ETV3: variants seen among roughly 807,000 people sequenced by gnomAD.
The protein encoded by ETV3 is ETS variant transcription factor 3, also known as ETS translocation variant 3.
ETV3 carries 8 observed loss-of-function variants against 33.0 expected under a neutral mutation model. The ratio of observed to expected loss-of-function variants is 0.24; its 90% CI spans 0.14 to 0.44. The LOEUF (loss-of-function observed/expected upper bound fraction) is 0.44, where lower values mean the gene tolerates loss of function less well. ETV3 is among the 20% of genes least tolerant of loss of function. ETV3 has a pLI of 1.00. For synonymous variants in ETV3, 222 were observed against 238.9 expected, an observed-to-expected ratio of 0.93 and a Z score of 0.65; for missense variants, 473 against 652.3, an observed-to-expected ratio of 0.73 and a Z score of 2.99.
intron 4 of ETV3, 103 bp downstream of exon 4, chr1:157,134,009 G>C: frequency 1.3e-6 from 2 of 1,520,392 alleles, no homozygotes; most frequent in South Asian, 1.3e-5. Flanking sequence ...CATTATTTTA[G>C]TGTTTCTAAA....
rs1160997564 is a variant in ETV3 at position 157,122,082 on chromosome 1, G to T, written c.*2759C>A. ...TATAAAATTTTAAACATTTGGCACAGCAAAATTTGGAAAAAATGGGGGAGA... is the reference window on the plus strand; with the variant it reads ...TATAAAATTTTAAACATTTGGCACATCAAAATTTGGAAAAAATGGGGGAGA... On this transcript the variant is annotated 3_prime_UTR_variant, in exon 5 of 5. Transcript: ENST00000368192. 1 of 152,174 alleles carries T rather than the reference G, an allele frequency of 6.6e-6. No individual in the cohort carries two copies. The highest frequency in any genetic ancestry group is 1.9e-4 in the East Asian group (1 of 5,198). 9.4% of individuals were successfully genotyped at this position (152,174 alleles called of 1,614,324 possible). A position where few individuals can be genotyped will look rare whatever the true frequency, so the allele number is the denominator to read the frequency against.
At chr1:157,136,203 G>C in intron 2 of ETV3, 104 bp downstream of exon 2, 1 of 1,085,338 alleles carries the variant, frequency 9.2e-7, no homozygotes. Flanking sequence ...AGCCAAGAGA[G>C]TGTCAGTCAT....
chr1:157,124,754 T>TGCCCC lies in ETV3; in HGVS notation c.*86_*87insGGGGC. 3.0e-6 allele frequency: 1 copy of TGCCCC among 328,822 alleles called. No individual in the cohort carries two copies. Among genetic ancestry groups the TGCCCC allele is most frequent in the Non-Finnish European group, 5.9e-6 (1 of 168,368 alleles). The allele number at this position is 328,822 out of a possible 1,614,324, so 20.4% of individuals were successfully genotyped here. On this transcript the variant is annotated 3_prime_UTR_variant, in exon 5 of 5. Transcript: ENST00000368192. ...CCTAGAATGATCAAACCAGTTTAAC[T>TGCCCC]CCCTCCCCCCCACCCTGAAATCTTG...
rs11348539 is a variant in ETV3, at chr1:157,124,238, C to CAAAAAAAAAAAA, written c.*591_*602dup. The CAAAAAAAAAAAA allele has an allele frequency of 1.5e-5, 1 of 67,694 alleles. No individual in the cohort carries two copies. 4.2% of individuals were successfully genotyped at this position (67,694 alleles called of 1,614,324 possible). On this transcript the variant is annotated 3_prime_UTR_variant, in exon 5 of 5. Transcript: ENST00000368192. ...GAAAAAAATGCCAAACAACACCAAC[C>CAAAAAAAAAAAA]AAAAAAAAAAAAAAAAAAAAAAGAA...
At chr1:157,132,273 T>C (rs1000276881) in intron 4 of ETV3, among the ~76,000 whole-genome samples, 1 of 152,242 alleles carries the variant, frequency 6.6e-6, no homozygotes, top group Non-Finnish European at 1.5e-5. Context: ...ATTAGGATCT[T>C]GAGCTTGGGT....
intron 3 of ETV3, chr1:157,135,162 A>G (rs1382159378): frequency 4.2e-6 from 2 of 472,334 alleles, no homozygotes; most frequent in Non-Finnish European, 7.5e-6. Context: ...CCTTTGGATT[A>G]TAAATGAACT....
intron 4 of ETV3, chr1:157,133,282 G>T: frequency 2.0e-6 from 1 of 493,270 alleles, no homozygotes; most frequent in Non-Finnish European, 2.6e-6. Flanking sequence ...GTTAAGGGAA[G>T]AAAAAACATC....
At chr1:157,136,797 G>C (rs1457578847) in intron 1 of ETV3, among the ~76,000 whole-genome samples, 1 of 152,148 alleles carries the variant, frequency 6.6e-6, no homozygotes, top group South Asian at 2.1e-4. Flanking sequence ...AGATGTACCA[G>C]TTTAAAGGAT....
At chr1:157,131,592 C>G (rs1287540321) in intron 4 of ETV3, among the ~76,000 whole-genome samples, 1 of 152,248 alleles carries the variant, frequency 6.6e-6, no homozygotes, top group Non-Finnish European at 1.5e-5. Flanking sequence ...AGCTCGATCT[C>G]TCAGGAATTG....
intron 1 of ETV3, among the ~76,000 whole-genome samples, chr1:157,137,564 T>G (rs924683594): frequency 6.0e-5 from 9 of 149,532 alleles, no homozygotes; most frequent in Non-Finnish European, 1.2e-4. Context: ...ACGAGATACA[T>G]AATAACGAGG....
At chr1:157,129,790 G>C (rs1044905525) in intron 4 of ETV3, among the ~76,000 whole-genome samples, 2 of 152,086 alleles carry the variant, frequency 1.3e-5, no homozygotes, top group Non-Finnish European at 2.9e-5. Context: ...AGTATAATGT[G>C]CAGGGAAAGG....
intron 4 of ETV3, chr1:157,133,712 T>C (rs1487831249): frequency 1.5e-5 from 15 of 1,000,692 alleles, no homozygotes; most frequent in African/African-American, 1.7e-5. Flanking sequence ...GAGAGCTTGG[T>C]AGTTTCACAG....
At position 157,134,174 on chromosome 1, in the gene ETV3, T is replaced by C; in HGVS notation, c.338A>G (p.Tyr113Cys). 1 of 1,614,054 alleles carries C rather than the reference T, an allele frequency of 6.2e-7. No individual in the cohort carries two copies. Among genetic ancestry groups the C allele is most frequent in the Non-Finnish European group, 8.5e-7 (1 of 1,179,952 alleles). Reference protein sequence around the residue: ...LHKTKGKRFTYKFNFNKLVMP... With the variant: ...LHKTKGKRFTCKFNFNKLVMP... ...CACCAGCTTGTTGAAGTTAAATTTATAGGTAAATCTTTTCCCTTTTGTTTT... is the reference window on the plus strand; with the variant it reads ...CACCAGCTTGTTGAAGTTAAATTTACAGGTAAATCTTTTCCCTTTTGTTTT... Residue 113 changes from tyrosine (Y) to cysteine (C), a missense_variant, in exon 4 of 5, where the codon TAT (tyrosine) becomes TGT (cysteine). Physicochemically the swap from Tyr to Cys is radical, Grantham distance 194. Transcript: ENST00000368192.
At chr1:157,132,880 A>G (rs1048875023) in intron 4 of ETV3, among the ~76,000 whole-genome samples, 1 of 152,156 alleles carries the variant, frequency 6.6e-6, no homozygotes, top group African/African-American at 2.4e-5. Flanking sequence ...CATATCTGCA[A>G]TGGATCTCAA....
At position 157,125,346 on chromosome 1, in the gene ETV3, T is replaced by C. The variant is rs1205746558; in HGVS notation, c.1034A>G (p.Lys345Arg). 6.4e-7 allele frequency: 1 copy of C among 1,551,966 alleles called. No homozygotes were observed. Among genetic ancestry groups the C allele is most frequent in the Non-Finnish European group, 8.7e-7 (1 of 1,147,056 alleles). The change falls in exon 5 of 5, where the codon AAG becomes AGG. Residue 345 changes from lysine (K) to arginine (R), a missense_variant. Coordinates refer to ENST00000368192, the MANE Select transcript of ETV3 (RefSeq NM_001145312.3). The surrounding 1 kb of genome is among the most constrained non-coding windows in gnomAD (Gnocchi z 4.0). Reference sequence around the variant, plus strand: ...CCGCCCAACTGGTGGGGGCTGCAGCTTGATGGAGAACTGAGTTGACTCCTC... The same window carrying C: ...CCGCCCAACTGGTGGGGGCTGCAGCCTGATGGAGAACTGAGTTGACTCCTC... ...HPEESTQFSI[K>R]LQPPPVGRKN...
Position 157,125,653 on chromosome 1 carries a change from G to T in ETV3, c.727C>A (p.Pro243Thr). 1 of 1,551,630 alleles carries T rather than the reference G, an allele frequency of 6.4e-7. No homozygotes were observed. The highest frequency in any genetic ancestry group is 1.2e-5 in the South Asian group (1 of 84,052). Reference sequence around the variant, plus strand: ...GGAGAGACAGCGAAGGGACTGTGGGGGTCAGGGTACATCCCTGGCCTAGCA... The same window carrying T: ...GGAGAGACAGCGAAGGGACTGTGGGTGTCAGGGTACATCCCTGGCCTAGCA... ...LFARPGMYPDPHSPFAVSPIP... is the reference protein window; with the variant it reads ...LFARPGMYPDTHSPFAVSPIP... The change falls in exon 5 of 5, where the codon CCC becomes ACC. Residue 243 changes from proline (P) to threonine (T), a missense_variant. Physicochemically the swap from Pro to Thr is conservative, Grantham distance 38. Around this residue, in one of 3 missense-constraint regions of ETV3, gnomAD observed 410 missense variants for 520.2 expected, o/e 0.79. Coordinates refer to ENST00000368192, the MANE Select transcript of ETV3 (RefSeq NM_001145312.3). The surrounding 1 kb of genome is among the most constrained non-coding windows in gnomAD (Gnocchi z 4.0).
At position 157,134,161 on chromosome 1, in the gene ETV3, G is replaced by C. The variant is rs1571701674; in HGVS notation, c.351C>G (p.Phe117Leu). The change falls in exon 4 of 5, where the codon TTC becomes TTG. Residue 117 changes from phenylalanine (F) to leucine (L), a missense_variant. Physicochemically the swap from Phe to Leu is conservative, Grantham distance 22 (BLOSUM62 0). This residue lies in a region of ETV3 where 410 missense variants were observed against 520.2 expected (regional missense o/e 0.79). Transcript: ENST00000368192. ...KGKRFTYKFN[F>L]NKLVMPNYPF... Reference sequence around the variant, plus strand: ...GGTAGTTGGGCATCACCAGCTTGTTGAAGTTAAATTTATAGGTAAATCTTT... The same window carrying C: ...GGTAGTTGGGCATCACCAGCTTGTTCAAGTTAAATTTATAGGTAAATCTTT... The C allele has an allele frequency of 6.2e-7, 1 of 1,613,988 alleles. No homozygotes were observed. The highest frequency in any genetic ancestry group is 8.5e-7 in the Non-Finnish European group (1 of 1,179,942).
intron 2 of ETV3, 38 bp from the exon 3 acceptor site, chr1:157,135,746 G>C: frequency 6.2e-7 from 1 of 1,603,330 alleles, no homozygotes. Flanking sequence ...CTAGTTAAGA[G>C]GTAGGTACAT....
At position 157,123,920 on chromosome 1, in the gene ETV3, C is replaced by G. The variant is rs771817695; in HGVS notation, c.*921G>C. ...GCTCACAGTCACACTTGGTTTGGCT[C>G]CCCAAACCCACAATAGAAAAGGAAA... is the stretch of plus-strand genomic sequence containing the variant. On this transcript the variant is annotated 3_prime_UTR_variant, in exon 5 of 5. Coordinates refer to ENST00000368192, the MANE Select transcript of ETV3 (RefSeq NM_001145312.3). 6.6e-6 allele frequency: 1 copy of G among 152,156 alleles called. No homozygotes were observed. Among genetic ancestry groups the G allele is most frequent in the East Asian group, 1.9e-4 (1 of 5,202 alleles). 9.4% of individuals were successfully genotyped at this position (152,156 alleles called of 1,614,324 possible).
Sources: gnomAD v4.1 joint callset for allele counts (sites outside exome capture counted in the v4.1 genomes callset) on GRCh38, gnomAD v4.1.1 for gene constraint, gnomAD v4.1.1 regional missense constraint, Gnocchi (gnomAD v3.1) non-coding constraint, MANE v1.5 for transcripts, NCBI Gene and HGNC (gene_info 2026-07-23, HGNC 2026-07-21) for gene names.